The following NXNL2 variants were observed in gnomAD, a reference collection of about 807,000 sequenced individuals.
NXNL2 encodes nucleoredoxin like 2.
A neutral mutation model predicts 11.1 loss-of-function variants in NXNL2; 7 were observed. The ratio of observed to expected loss-of-function variants is 0.63; its 90% CI spans 0.36 to 1.18. The LOEUF is 1.18. Ranked by LOEUF, NXNL2 falls within the 50% of genes most tolerant of loss-of-function variation. The pLI, the probability that NXNL2 is intolerant of heterozygous loss-of-function variation, is 0.02. For missense variants in NXNL2, 233 were observed against 217.7 expected (o/e 1.07, Z -0.44); for synonymous variants, 109 against 101.8 (o/e 1.07, Z -0.42).
intron 1 of NXNL2, among the ~76,000 whole-genome samples, chr9:88,559,114 C>T (rs1564072695): frequency 6.6e-6 from 1 of 152,324 alleles, no homozygotes; most frequent in East Asian, 1.9e-4. Flanking sequence ...CTCAGACCAC[C>T]TCTTTCCCAT....
At chr9:88,561,919 C>G (rs1327203319) in intron 1 of NXNL2, among the ~76,000 whole-genome samples, 1 of 152,114 alleles carries the variant, frequency 6.6e-6, no homozygotes, top group Non-Finnish European at 1.5e-5. Context: ...TGTCCTAAAG[C>G]CGAAAAATTG....
intron 1 of NXNL2, among the ~76,000 whole-genome samples, chr9:88,561,567 A>G (rs1249870516): frequency 2.0e-5 from 3 of 151,882 alleles, no homozygotes; most frequent in African/African-American, 7.3e-5. Flanking sequence ...ACACACACAA[A>G]CCAGTCTACA....
At chr9:88,550,037 C>G (rs1004307092) in intron 1 of NXNL2, among the ~76,000 whole-genome samples, 9 of 152,072 alleles carry the variant, frequency 5.9e-5, no homozygotes, top group Admixed American at 5.9e-4. Flanking sequence ...ATTTTGGTCT[C>G]AAACTCCTGA....
At chr9:88,583,048 C>T (rs768860719) in intron 1 of NXNL2, among the ~76,000 whole-genome samples, 2 of 152,156 alleles carry the variant, frequency 1.3e-5, no homozygotes, top group Non-Finnish European at 2.9e-5. Flanking sequence ...TTGATGGTCT[C>T]TACTGGACAA....
At chr9:88,578,859 T>C (rs1306593254), downstream of NXNL2, among the ~76,000 whole-genome samples, 2 of 152,198 alleles carry the variant, frequency 1.3e-5, no homozygotes, top group African/African-American at 4.8e-5. Context: ...CTGGCCACGT[T>C]CAAGGATGCC....
At chr9:88,555,040 C>G (rs1829991123) in intron 1 of NXNL2, among the ~76,000 whole-genome samples, 1 of 152,226 alleles carries the variant, frequency 6.6e-6, no homozygotes, top group Non-Finnish European at 1.5e-5. Context: ...CTGTACCTAA[C>G]TCAGACCAGA....
chr9:88,567,728 T>C (rs1227444427), intron 1 of NXNL2, among the ~76,000 whole-genome samples: 1 of 152,212 alleles, frequency 6.6e-6, no homozygotes, highest in East Asian at 1.9e-4. Context: ...CACTAATATG[T>C]AAGGCACTAA....
In NXNL2 at chr9:88,535,871, G is replaced by T. The variant is rs986670064; in HGVS notation, c.302+135G>T. On this transcript the variant is annotated intron_variant, in intron 1 of 1. Transcript: ENST00000375854. Reference sequence around the variant, plus strand: ...CTCCCCGTCTCTCGGTTCACGTCCGGACTCCGGTAAATCACACTCAGTCTC... The same window carrying T: ...CTCCCCGTCTCTCGGTTCACGTCCGTACTCCGGTAAATCACACTCAGTCTC... 1.4e-5 allele frequency: 10 copies of T among 692,788 alleles called. No individual in the cohort carries two copies. In the Admixed American group the frequency reaches 3.0e-4, roughly 21 times the overall value. 42.9% of individuals were successfully genotyped at this position (692,788 alleles called of 1,614,324 possible). A position where few individuals can be genotyped will look rare whatever the true frequency, so the allele number is the denominator to read the frequency against.
rs896672633 is a variant in NXNL2, at chr9:88,557,062, C to T, written c.303-14025C>T. Among the ~76,000 whole-genome samples, 72 of 114,892 alleles carry T rather than the reference C, an allele frequency of 6.3e-4. 1 individual carries two copies. Among genetic ancestry groups the T allele is most frequent in the African/African-American group, 2.4e-3 (70 of 28,966 alleles). The allele number at this position is 114,892 out of a possible 152,430, so 75.4% of individuals were successfully genotyped here. ...TGCCACTGCATTCCATCCTAGGTGA[C>T]AGAGTGAGACTCCATCTCAAAAAAA... On this transcript the variant is annotated intron_variant, in intron 1 of 2. Transcript: ENST00000375855.
chr9:88,545,658 A>AGGAT (rs1198376809), downstream of NXNL2, among the ~76,000 whole-genome samples: 1 of 152,108 alleles, frequency 6.6e-6, no homozygotes, highest in Non-Finnish European at 1.5e-5. Context: ...GGGTTGACTA[A>AGGAT]GGATGCATTT....
At chr9:88,566,820 A>G (rs1486369591) in intron 1 of NXNL2, among the ~76,000 whole-genome samples, 1 of 152,072 alleles carries the variant, frequency 6.6e-6, no homozygotes, top group Non-Finnish European at 1.5e-5. Flanking sequence ...CTTTTTAGTT[A>G]CGTTTATTCC....
At chr9:88,545,108 A>C (rs1829830055), downstream of NXNL2, 1 of 154,684 alleles carries the variant, frequency 6.5e-6, no homozygotes, top group Non-Finnish European at 1.4e-5. Context: ...GTCATCTTGG[A>C]ATTTTCTTCT....
downstream of NXNL2, among the ~76,000 whole-genome samples, chr9:88,549,952 G>A (rs2118452517): frequency 6.6e-6 from 1 of 152,258 alleles, no homozygotes; most frequent in Non-Finnish European, 1.5e-5. Context: ...AGCCTCCTGA[G>A]TAGCTGCGAT....
At chr9:88,565,554 G>A (rs1830156198) in intron 1 of NXNL2, among the ~76,000 whole-genome samples, 1 of 151,780 alleles carries the variant, frequency 6.6e-6, no homozygotes, top group East Asian at 1.9e-4. Flanking sequence ...TTAAATTTTT[G>A]AGACAGAGTC....
chr9:88,536,153 G>A (rs1459828606), intron 1 of NXNL2, among the ~76,000 whole-genome samples: 1 of 152,206 alleles, frequency 6.6e-6, no homozygotes, highest in Non-Finnish European at 1.5e-5. Flanking sequence ...TTAGTGGGCA[G>A]GAAGCACAGG....
intron 1 of NXNL2, among the ~76,000 whole-genome samples, chr9:88,543,553 A>G (rs1564067825): frequency 6.6e-6 from 1 of 152,154 alleles, no homozygotes; most frequent in Non-Finnish European, 1.5e-5. Flanking sequence ...GGTGTCAGCA[A>G]CCACACCTGG....
chr9:88,583,647 T>G (rs1043109404), intron 1 of NXNL2, among the ~76,000 whole-genome samples: 1 of 152,206 alleles, frequency 6.6e-6, no homozygotes, highest in Admixed American at 6.5e-5. Flanking sequence ...TTATCATTGC[T>G]GTGGATTGAA....
In NXNL2 at chr9:88,535,727, C is replaced by G. The variant is rs1564064797; in HGVS notation, c.293C>G (p.Pro98Arg). 2 of 1,576,046 alleles carry G rather than the reference C, an allele frequency of 1.3e-6. No individual in the cohort carries two copies. The highest frequency in any genetic ancestry group is 8.6e-7 in the Non-Finnish European group (1 of 1,167,570). The change falls in exon 1 of 2, where the codon CCC (proline) becomes CGC (arginine). Residue 98 changes from proline to arginine, a missense_variant. Physicochemically the swap from Pro to Arg is moderately radical, Grantham distance 103. Transcript: ENST00000375854. ...GAWLALPFHD[P>R]YRHELRKRYN... ...TGGCTGGCGCTGCCCTTCCACGACC[C>G]CTACCGGCAGTGAGTGGGGGTCCTG...
chr9:88,559,514 C>T (rs1587850130), intron 1 of NXNL2, among the ~76,000 whole-genome samples: 3 of 152,180 alleles, frequency 2.0e-5, no homozygotes, highest in East Asian at 1.9e-4. Context: ...AGGGCTTCCT[C>T]GCTACCAAGC....
Sources: gnomAD v4.1 joint callset for allele counts (sites outside exome capture counted in the v4.1 genomes callset) on GRCh38, gnomAD v4.1.1 for gene constraint, MANE v1.5 for transcripts, NCBI Gene and HGNC (gene_info 2026-07-23, HGNC 2026-07-21) for gene names.